The following SNX18 variants were observed in gnomAD, a reference collection of about 807,000 sequenced individuals.
SNX18 encodes sorting nexin-18.
SNX18 carries 35 observed loss-of-function variants against 48.7 expected under a neutral mutation model. The observed-to-expected ratio is 0.72, with a 90% CI of 0.55 to 0.95. The LOEUF (loss-of-function observed/expected upper bound fraction) is 0.95, where lower values mean the gene tolerates loss of function less well. Ranked by LOEUF, SNX18 falls within the 40% of genes least tolerant of loss-of-function variation. The pLI is 0.00. For synonymous variants in SNX18, 492 were observed against 384.7 expected (o/e 1.28, Z -3.26); for missense variants, 824 against 871.0 (o/e 0.95, Z 0.68).
the SNX18 span, among the ~76,000 whole-genome samples, chr5:54,609,827 G>A: frequency 6.6e-5 from 10 of 151,640 alleles, no homozygotes; most frequent in South Asian, 2.1e-4. Flanking sequence ...GAGGTGGAGC[G>A]TGGTGGGAGG....
At chr5:54,624,062 G>A in the SNX18 span, among the ~76,000 whole-genome samples, 3 of 152,106 alleles carry the variant, frequency 2.0e-5, no homozygotes, top group Admixed American at 6.5e-5. Context: ...ATCCAGTAGC[G>A]CATTGAGCAG....
chr5:54,532,113 T>C (rs1306024174), intron 1 of SNX18, among the ~76,000 whole-genome samples: 1 of 152,182 alleles, frequency 6.6e-6, no homozygotes, highest in Non-Finnish European at 1.5e-5. Context: ...GAGGGACTTC[T>C]GTTTAGATTT....
chr5:54,586,445 G>GA, the SNX18 span, among the ~76,000 whole-genome samples: 70,903 of 151,090 alleles, frequency 0.47, 17,258 homozygotes, highest in East Asian at 0.61. Flanking sequence ...AATTTAAAAA[G>GA]AAAAAAAAAT....
the SNX18 span, among the ~76,000 whole-genome samples, chr5:54,580,361 A>T: frequency 3.9e-5 from 6 of 152,198 alleles, no homozygotes; most frequent in Admixed American, 1.3e-4. Context: ...AAAAAGCATG[A>T]AATTTATTAA....
chr5:54,615,194 T>A, the SNX18 span, among the ~76,000 whole-genome samples: 1 of 152,314 alleles, frequency 6.6e-6, no homozygotes, highest in African/African-American at 2.4e-5. Flanking sequence ...AAAATTGTAG[T>A]AGGTAAAATA....
chr5:54,575,447 A>G, the SNX18 span, among the ~76,000 whole-genome samples: 7 of 138,882 alleles, frequency 5.0e-5, no homozygotes, highest in Non-Finnish European at 9.0e-5. Context: ...ATCTCAGCTC[A>G]CTGCAACCTC....
chr5:54,614,689 C>T, the SNX18 span, among the ~76,000 whole-genome samples: 1 of 152,078 alleles, frequency 6.6e-6, no homozygotes, highest in Middle Eastern at 3.4e-3. Flanking sequence ...TGGTGTGTGC[C>T]TATAGTCCCA....
At chr5:54,530,533 A>G (rs971673919) in intron 1 of SNX18, among the ~76,000 whole-genome samples, 3 of 152,166 alleles carry the variant, frequency 2.0e-5, no homozygotes, top group Non-Finnish European at 1.5e-5. Context: ...AGCAGCCACT[A>G]AAGGTTTCAA....
chr5:54,628,949 T>C, the SNX18 span, among the ~76,000 whole-genome samples: 1 of 152,226 alleles, frequency 6.6e-6, no homozygotes, highest in Non-Finnish European at 1.5e-5. Context: ...GGTGGCTCCC[T>C]GCTGGAACTT....
At chr5:54,579,406 G>A in the SNX18 span, among the ~76,000 whole-genome samples, 1 of 151,946 alleles carries the variant, frequency 6.6e-6, no homozygotes, top group Admixed American at 6.6e-5. Context: ...ACCCCTAACA[G>A]TGCCAGATAT....
chr5:54,577,330 A>G, the SNX18 span, among the ~76,000 whole-genome samples: 3 of 148,070 alleles, frequency 2.0e-5, no homozygotes, highest in Non-Finnish European at 4.5e-5. Flanking sequence ...ACATATCAAA[A>G]TATCACCTCT....
At chr5:54,533,873 A>G (rs1049246657) in intron 1 of SNX18, among the ~76,000 whole-genome samples, 3 of 152,160 alleles carry the variant, frequency 2.0e-5, no homozygotes, top group Non-Finnish European at 4.4e-5. Context: ...AAGGGTAATC[A>G]ACAAGTAGGT....
At chr5:54,579,667 AGG>A in the SNX18 span, among the ~76,000 whole-genome samples, 1 of 152,214 alleles carries the variant, frequency 6.6e-6, no homozygotes, top group Non-Finnish European at 1.5e-5. Context: ...TACACATGTG[AGG>A]CTTTTAGGAG....
the SNX18 span, among the ~76,000 whole-genome samples, chr5:54,563,238 T>C: frequency 2.6e-5 from 4 of 152,210 alleles, no homozygotes; most frequent in Non-Finnish European, 4.4e-5. Flanking sequence ...AAGTCTACCA[T>C]GGTGTACAGT....
the SNX18 span, among the ~76,000 whole-genome samples, chr5:54,556,704 C>T: frequency 0.72 from 109,150 of 151,958 alleles, 39,876 homozygotes; most frequent in Non-Finnish European, 0.79. Context: ...ACTGCAGTCC[C>T]ATCTTTGAAC....
At chr5:54,636,076 G>A in the SNX18 span, among the ~76,000 whole-genome samples, 1 of 152,148 alleles carries the variant, frequency 6.6e-6, no homozygotes, top group African/African-American at 2.4e-5. Context: ...CAGCTTAGGA[G>A]AAAGGCTTAG....
intron 1 of SNX18, among the ~76,000 whole-genome samples, chr5:54,537,927 C>T (rs1331799858): frequency 6.6e-6 from 1 of 152,050 alleles, no homozygotes; most frequent in African/African-American, 2.4e-5. Flanking sequence ...TTGTATTGTA[C>T]CTCTGCAGTT....
At position 54,519,748 on chromosome 5, in the gene SNX18, G is replaced by A. The variant is rs754703699; in HGVS notation, c.1621+175G>A. On this transcript the variant is annotated intron_variant, in intron 1 of 1. Coordinates refer to ENST00000381410, the MANE Select transcript of SNX18 (RefSeq NM_001102575.2). ...GAGTGTAAGTTGGATTGCTCGACAG[G>A]CAGCTTCCTCCTCGAGTATCTTGCA... 1.9e-5 allele frequency: 30 copies of A among 1,614,060 alleles called. No homozygotes were observed. The highest frequency in any genetic ancestry group is 2.5e-5 in the Non-Finnish European group (29 of 1,180,044).
At chr5:54,567,190 T>C in the SNX18 span, among the ~76,000 whole-genome samples, 1 of 151,840 alleles carries the variant, frequency 6.6e-6, no homozygotes, top group Non-Finnish European at 1.5e-5. Flanking sequence ...AGCAGAGACA[T>C]GGATGTGTGT....
Sources: gnomAD v4.1 joint callset for allele counts (sites outside exome capture counted in the v4.1 genomes callset) on GRCh38, gnomAD v4.1.1 for gene constraint, MANE v1.5 for transcripts, NCBI Gene and HGNC (gene_info 2026-07-23, HGNC 2026-07-21) for gene names.